DNAH2: variants seen among roughly 807,000 people sequenced by gnomAD.
DNAH2 encodes axonemal beta dynein heavy chain 2.
A neutral mutation model predicts 523.5 loss-of-function variants in DNAH2; 323 were observed. That is an observed-to-expected ratio of 0.62 (90% CI 0.56 to 0.68). DNAH2 has a LOEUF of 0.68. Among genes scored for constraint, DNAH2 ranks in the 30% least tolerant of loss-of-function variants. The pLI, the probability that DNAH2 is intolerant of heterozygous loss-of-function variation, is 0.00. For synonymous variants in DNAH2, 2,093 were observed against 2,177.4 expected (o/e 0.96, Z 1.08); for missense variants, 4,907 against 5,701.5 (o/e 0.86, Z 4.49).
chr17:7,773,467 T>TC (rs1432084413), intron 28 of DNAH2, among the ~76,000 whole-genome samples: 3 of 151,554 alleles, frequency 2.0e-5, no homozygotes, highest in Non-Finnish European at 2.9e-5. Context: ...TTATACAGTG[T>TC]CCCCCCCACC....
chr17:7,728,513 T>G (rs545312879), intron 4 of DNAH2, among the ~76,000 whole-genome samples: 31 of 152,294 alleles, frequency 2.0e-4, no homozygotes, highest in Middle Eastern at 3.4e-3. Flanking sequence ...GAAAAAAGAT[T>G]TCATTCGCAA....
chr17:7,817,453 A>C (rs758250408), intron 65 of DNAH2, 38 bp downstream of exon 65: 1 of 1,613,570 alleles, frequency 6.2e-7, no homozygotes, highest in Non-Finnish European at 8.5e-7. Context: ...AGGCTCCGAG[A>C]CCAGGGCTGG....
At chr17:7,763,378 C>G (rs564965684) in intron 18 of DNAH2, among the ~76,000 whole-genome samples, 16 of 152,234 alleles carry the variant, frequency 1.1e-4, no homozygotes, top group African/African-American at 3.9e-4. Context: ...GATCTCCTGA[C>G]CTCGTGATCT....
chr17:7,813,228 C>T (rs953383213), intron 63 of DNAH2, among the ~76,000 whole-genome samples: 2 of 151,462 alleles, frequency 1.3e-5, no homozygotes, highest in Non-Finnish European at 2.9e-5. Context: ...TGCCTGTATA[C>T]GAATTTCTCT....
chr17:7,740,085 G>T, intron 9 of DNAH2, 147 bp downstream of exon 9: 1 of 371,352 alleles, frequency 2.7e-6, no homozygotes, highest in African/African-American at 2.4e-5. Flanking sequence ...GGACAGGAGA[G>T]AGTGCAGGGG....
chr17:7,775,991 G>T, intron 30 of DNAH2, 33 bp from the exon 31 acceptor site: 1 of 1,611,142 alleles, frequency 6.2e-7, no homozygotes, highest in Non-Finnish European at 8.5e-7. Flanking sequence ...GCCCCCTCAG[G>T]CTGAGCTGCC....
chr17:7,767,932 C>T lies in DNAH2; in HGVS notation c.3708C>T (p.Ile1236=), dbSNP rs147333435. The T allele has an allele frequency of 1.5e-4, 243 of 1,614,042 alleles. 1 individual carries two copies. The African/African-American group carries it at 2.8e-3, about 19-fold the overall frequency. ...ATGCCCTCCAGCAAATCTGGGAGAT[C>T]GCACGAGACTGGGAGGAGAACTGGA... is the stretch of plus-strand genomic sequence containing the variant. ...ELDALQQIWE[I]ARDWEENWNE... The change falls in exon 23 of 86, where the codon ATC becomes ATT. Residue 1236 remains isoleucine, a synonymous_variant. Coordinates refer to ENST00000572933, the MANE Select transcript of DNAH2 (RefSeq NM_020877.5).
intron 85 of DNAH2, 37 bp downstream of exon 85, chr17:7,833,258 T>G (rs554962327): frequency 6.2e-7 from 1 of 1,606,504 alleles, no homozygotes. Flanking sequence ...GCCTGCCCCG[T>G]CCCTAGTTTG....
chr17:7,753,781 C>G (rs887772742), intron 12 of DNAH2, among the ~76,000 whole-genome samples: 3 of 151,976 alleles, frequency 2.0e-5, no homozygotes, highest in Non-Finnish European at 4.4e-5. Context: ...AACCCTGTCT[C>G]TACTAAAAAT....
intron 73 of DNAH2, 64 bp from the exon 74 acceptor site, chr17:7,823,378 A>G: frequency 7.2e-7 from 1 of 1,386,302 alleles, no homozygotes; most frequent in Non-Finnish European, 1.0e-6. Flanking sequence ...AGAGGAGAAA[A>G]AGATCACTCT....
chr17:7,774,665 T>G, intron 28 of DNAH2, 94 bp from the exon 29 acceptor site: 2 of 1,140,988 alleles, frequency 1.8e-6, no homozygotes, highest in South Asian at 3.0e-5. Context: ...TGCCCCACTG[T>G]TCAAGAGCTG....
intron 22 of DNAH2, 107 bp from the exon 23 acceptor site, chr17:7,767,793 A>T: frequency 2.1e-6 from 3 of 1,459,712 alleles, no homozygotes; most frequent in Non-Finnish European, 2.8e-6. Flanking sequence ...CCGCTGTATT[A>T]TCTAGAGGGG....
chr17:7,771,476 C>G lies in DNAH2; in HGVS notation c.4501+8C>G. ...GGAGCACCCATCACCCAGGTCAGAGCTCCAGGGCTCCTGCCCTGACACAGC... is the reference window on the plus strand; with the variant it reads ...GGAGCACCCATCACCCAGGTCAGAGGTCCAGGGCTCCTGCCCTGACACAGC... On this transcript the variant is annotated splice_region_variant and intron_variant, in intron 28 of 85. Transcript: ENST00000572933. 6.2e-7 allele frequency: 1 copy of G among 1,613,802 alleles called. No homozygotes were observed. Among genetic ancestry groups the G allele is most frequent in the Non-Finnish European group, 8.5e-7 (1 of 1,179,830 alleles).
Position 7,770,652 on chromosome 17 carries a change from G to A in DNAH2, c.4181+13G>A. 1 of 1,614,152 alleles carries A rather than the reference G, an allele frequency of 6.2e-7. No homozygotes were observed. Among genetic ancestry groups the A allele is most frequent in the African/African-American group, 1.3e-5 (1 of 75,050 alleles). On this transcript the variant is annotated intron_variant, in intron 26 of 85. Transcript: ENST00000572933. ...ATCATCGGCTCAGGTCAGGGGAGCTGGGGCTCTAGGAGAATGGAGGGCTGT... is the reference window on the plus strand; with the variant it reads ...ATCATCGGCTCAGGTCAGGGGAGCTAGGGCTCTAGGAGAATGGAGGGCTGT...
intron 10 of DNAH2, 69 bp from the exon 11 acceptor site, chr17:7,740,741 C>T: frequency 6.4e-7 from 1 of 1,562,516 alleles, no homozygotes. Context: ...CAGCTTTCCT[C>T]TGGGATGAGT....
At position 7,781,099 on chromosome 17, in the gene DNAH2, C is replaced by G. The variant is rs755318709; in HGVS notation, c.6061C>G (p.Pro2021Ala). The change falls in exon 39 of 86, where the codon CCC becomes GCC. Residue 2021 changes from proline (P) to alanine (A), a missense_variant. Coordinates refer to ENST00000572933, the MANE Select transcript of DNAH2 (RefSeq NM_020877.5). ...NIAKLTSVDA[P>A]LFNAIVQDLF... ...CGCCAAGCTCACTTCAGTTGATGCA[C>G]CCCTGTTCAATGCCATCGTGCAAGA... The G allele has an allele frequency of 9.9e-6, 16 of 1,614,214 alleles. No individual in the cohort carries two copies. The South Asian group carries it at 1.3e-4, about 13-fold the overall frequency.
intron 84 of DNAH2, 31 bp from the exon 85 acceptor site, chr17:7,833,040 T>G: frequency 1.2e-6 from 2 of 1,613,086 alleles, no homozygotes; most frequent in Non-Finnish European, 1.7e-6. Context: ...GAAGTCTAGC[T>G]TCTCCCAGAC....
At position 7,821,353 on chromosome 17, in the gene DNAH2, T is replaced by G; in HGVS notation, c.11126T>G (p.Phe3709Cys). 2 of 1,613,380 alleles carry G rather than the reference T, an allele frequency of 1.2e-6. No individual in the cohort carries two copies. The highest frequency in any genetic ancestry group is 1.7e-6 in the Non-Finnish European group (2 of 1,179,546). Reference sequence around the variant, plus strand: ...CTCAACATGGATGAATACAACTTCTTTCTACGTGGGGGTGTGGTGAGTTGG... The same window carrying G: ...CTCAACATGGATGAATACAACTTCTGTCTACGTGGGGGTGTGGTGAGTTGG... ...GKLNMDEYNFFLRGGVVLDRE... is the reference protein window; with the variant it reads ...GKLNMDEYNFCLRGGVVLDRE... Residue 3709 changes from phenylalanine to cysteine, a missense_variant, in exon 73 of 86, where the codon TTT (phenylalanine) becomes TGT (cysteine). Phe to Cys is a radical substitution (Grantham distance 205). Transcript: ENST00000572933. This position sits in a 1 kb window ranked among gnomAD's most constrained non-coding sequence, Gnocchi z 5.0.
At chr17:7,741,524 A>T (rs937508305) in intron 11 of DNAH2, among the ~76,000 whole-genome samples, 2 of 150,824 alleles carry the variant, frequency 1.3e-5, no homozygotes, top group South Asian at 2.1e-4. Flanking sequence ...CACCCAGCTA[A>T]TTTTTTTGTA....
Sources: allele counts gnomAD v4.1 joint callset (sites outside exome capture counted in the v4.1 genomes callset), GRCh38; gene constraint gnomAD v4.1.1; non-coding constraint Gnocchi (gnomAD v3.1); transcripts MANE v1.5; gene names NCBI Gene and HGNC (gene_info 2026-07-23, HGNC 2026-07-21).